Variants in VPS13C observed in about 807,000 individuals in gnomAD.
VPS13C encodes intermembrane lipid transfer protein VPS13C.
In VPS13C, 358 loss-of-function variants were observed where a neutral mutation model predicts 456.8. That is an observed-to-expected ratio of 0.78 (90% CI 0.72 to 0.86). The LOEUF (loss-of-function observed/expected upper bound fraction) is 0.86, where lower values mean the gene tolerates loss of function less well. Among genes scored for constraint, VPS13C ranks in the 40% least tolerant of loss-of-function variants. VPS13C has a pLI of 0.00. For missense variants in VPS13C, 4,818 were observed against 4,385.4 expected, an observed-to-expected ratio of 1.10 and a Z score of -2.79; for synonymous variants, 1,578 against 1,486.7, an observed-to-expected ratio of 1.06 and a Z score of -1.41.
Position 61,946,384 on chromosome 15 carries a change from G to C in VPS13C, c.4903C>G (p.Pro1635Ala), listed in dbSNP as rs781343548. The C allele has an allele frequency of 6.2e-7, 1 of 1,605,852 alleles. No individual in the cohort carries two copies. Among genetic ancestry groups the C allele is most frequent in the Non-Finnish European group, 8.5e-7 (1 of 1,176,526 alleles). ...HGMDASISVK[P>A]KQTDVFARLK... ...CTGGCAAACACATCAGTCTGCTTAG[G>C]CTTCACAGAAATAGAGGCATCCATT... Residue 1635 changes from proline to alanine, a missense_variant, in exon 44 of 85, where the codon CCT becomes GCT. Physicochemically the swap from Pro to Ala is conservative, Grantham distance 27 (BLOSUM62 -1). This residue lies in a region of VPS13C where 4,552 missense variants were observed against 4,130.6 expected (regional missense o/e 1.10). Transcript: ENST00000644861.
intron 3 of VPS13C, among the ~76,000 whole-genome samples, chr15:62,035,518 C>T (rs1488535880): frequency 2.0e-5 from 3 of 151,748 alleles, no homozygotes; most frequent in Admixed American, 6.6e-5. Flanking sequence ...ACAAATAAAT[C>T]CTTATAGATC....
At position 61,878,626 on chromosome 15, in the gene VPS13C, C is replaced by T. The variant is rs1444586569; in HGVS notation, c.10123G>A (p.Val3375Met). ...LKSIGATLTD[V>M]DDLIFKLAYY... ...TCTTACTTGAATATAAGGTCATCCACATCAGTCAGAGTAGCACCTATGCTT... is the reference window on the plus strand; with the variant it reads ...TCTTACTTGAATATAAGGTCATCCATATCAGTCAGAGTAGCACCTATGCTT... Residue 3375 changes from valine (V) to methionine (M), a missense_variant, in exon 74 of 85, where the codon GTG (valine) becomes ATG (methionine). Coordinates refer to ENST00000644861, the MANE Select transcript of VPS13C (RefSeq NM_020821.3). The T allele has an allele frequency of 1.2e-6, 2 of 1,609,752 alleles. No homozygotes were observed. Among genetic ancestry groups the T allele is most frequent in the Admixed American group, 3.4e-5 (2 of 59,402 alleles).
chr15:61,982,683 T>C, intron 20 of VPS13C, 110 bp from the exon 21 acceptor site: 2 of 676,500 alleles, frequency 3.0e-6, no homozygotes, highest in South Asian at 4.4e-5. Context: ...ACTGTGGAAC[T>C]CCTAAGATAT....
At position 61,911,945 on chromosome 15, in the gene VPS13C, G is replaced by A. The variant is rs2043313800; in HGVS notation, c.8610C>T (p.Pro2870=). The stretch of plus-strand genomic sequence containing the variant: ...ATGACTTGTTTGCAATGGTACAAAA[G>A]GGAGTCAGGGTAACTATTCGTGAAA... ...FNLSRIVTLT[P]FCTIANKSSL... The change falls in exon 63 of 85, where the codon CCC becomes CCT. Residue 2870 remains proline, a synonymous_variant. Transcript: ENST00000644861. 11 of 1,612,478 alleles carry A rather than the reference G, an allele frequency of 6.8e-6. No individual in the cohort carries two copies. The highest frequency in any genetic ancestry group is 9.3e-6 in the Non-Finnish European group (11 of 1,179,190).
chr15:61,919,185 T>G (rs1197468697), intron 58 of VPS13C, 104 bp downstream of exon 58: 2 of 1,143,744 alleles, frequency 1.7e-6, no homozygotes, highest in South Asian at 1.7e-5. Flanking sequence ...TTCTGAATAA[T>G]CAGAATTGAC....
chr15:61,933,322 A>T (rs538495299), intron 49 of VPS13C, among the ~76,000 whole-genome samples: 114 of 152,336 alleles, frequency 7.5e-4, no homozygotes, highest in African/African-American at 2.3e-3. Context: ...ACATTAGAAA[A>T]TAAGGCAGTT....
chr15:61,860,217 G>A lies in VPS13C; in HGVS notation c.10952+3223C>T, dbSNP rs1476711469. ...CACAAAGTAGCAAATATAAATAGAT[G>A]ATGATATATTAAAAGGTACAGGCTC... is the stretch of plus-strand genomic sequence containing the variant. On this transcript the variant is annotated intron_variant, in intron 82 of 84. Coordinates refer to ENST00000644861, the MANE Select transcript of VPS13C (RefSeq NM_020821.3). Among the ~76,000 whole-genome samples the A allele has an allele frequency of 3.3e-5, 5 of 152,096 alleles. No individual in the cohort carries two copies. The South Asian group carries it at 6.2e-4, about 19-fold the overall frequency.
In VPS13C at chr15:61,975,529, C is replaced by A. The variant is rs577434515; in HGVS notation, c.2409-1112G>T. Among the ~76,000 whole-genome samples the A allele has an allele frequency of 9.2e-4, 140 of 152,144 alleles. 1 individual carries two copies. The South Asian group carries it at 0.028, about 30-fold the overall frequency. ...CAATACATTCAACAACTAAGATGGACAAATTCCTTAAAACACACAAACTCA... is the reference window on the plus strand; with the variant it reads ...CAATACATTCAACAACTAAGATGGAAAAATTCCTTAAAACACACAAACTCA... On this transcript the variant is annotated intron_variant, in intron 24 of 84. Transcript: ENST00000644861.
intron 2 of VPS13C, among the ~76,000 whole-genome samples, chr15:62,041,734 C>T (rs780757163): frequency 1.3e-5 from 2 of 151,876 alleles, no homozygotes; most frequent in Non-Finnish European, 2.9e-5. Flanking sequence ...GCAGGAGAAT[C>T]GCCTGAACCC....
chr15:61,962,864 A>G lies in VPS13C; in HGVS notation c.3332-12T>C, dbSNP rs1000866421. The G allele has an allele frequency of 1.3e-6, 2 of 1,550,094 alleles. No homozygotes were observed. The highest frequency in any genetic ancestry group is 1.7e-5 in the Admixed American group (1 of 58,726). On this transcript the variant is annotated splice_polypyrimidine_tract_variant and intron_variant, in intron 32 of 84. Transcript: ENST00000644861. ...GGAGGAATCCAGTCCTGAAAAAAAGAGTGTATTATTATAATTTCTACAGAC... is the reference window on the plus strand; with the variant it reads ...GGAGGAATCCAGTCCTGAAAAAAAGGGTGTATTATTATAATTTCTACAGAC...
chr15:61,928,014 G>A (rs2043920509), intron 51 of VPS13C, among the ~76,000 whole-genome samples: 1 of 150,118 alleles, frequency 6.7e-6, no homozygotes, highest in Non-Finnish European at 1.5e-5. Flanking sequence ...GACACAGGAA[G>A]GGGAACAACA....
chr15:61,878,736 C>T lies in VPS13C; in HGVS notation c.10013G>A (p.Ser3338Asn). Residue 3338 changes from serine to asparagine, a missense_variant, in exon 74 of 85, where the codon AGT (serine) becomes AAT (asparagine). This residue lies in a region of VPS13C where 4,552 missense variants were observed against 4,130.6 expected (regional missense o/e 1.10). Transcript: ENST00000644861. ...FHISPVKLHLSLSLGSGGEES... is the reference protein window; with the variant it reads ...FHISPVKLHLNLSLGSGGEES... ...TTCACCTCCGGAACCCAAAGACAAA[C>T]TCAAATGCAACTAAAAGAAAAATAA... The T allele has an allele frequency of 1.2e-6, 2 of 1,601,272 alleles. No individual in the cohort carries two copies. Among genetic ancestry groups the T allele is most frequent in the Non-Finnish European group, 1.7e-6 (2 of 1,175,622 alleles).
Position 61,936,765 on chromosome 15 carries a change from T to C in VPS13C, c.5602-15A>G, listed in dbSNP as rs2044240559. On this transcript the variant is annotated splice_polypyrimidine_tract_variant and intron_variant, in intron 47 of 84. Transcript: ENST00000644861. The stretch of plus-strand genomic sequence containing the variant: ...CTGAGAGCAACCTAGAAACCACCAA[T>C]AATTTGTTAACTCTAAGTAATAAAA... 1.3e-6 allele frequency: 2 copies of C among 1,590,552 alleles called. No homozygotes were observed. Among genetic ancestry groups the C allele is most frequent in the Non-Finnish European group, 8.5e-7 (1 of 1,172,440 alleles).
intron 23 of VPS13C, among the ~76,000 whole-genome samples, chr15:61,977,967 T>A (rs2045756867): frequency 2.6e-5 from 4 of 152,028 alleles, no homozygotes; most frequent in African/African-American, 9.7e-5. Flanking sequence ...ACTATAACTG[T>A]CCTTTCCTCT....
chr15:62,007,724 C>T (rs1404822038), intron 14 of VPS13C, among the ~76,000 whole-genome samples: 1 of 152,194 alleles, frequency 6.6e-6, no homozygotes, highest in South Asian at 2.1e-4. Flanking sequence ...TGGGAAATAG[C>T]ATTCCAGTAT....
intron 24 of VPS13C, among the ~76,000 whole-genome samples, chr15:61,976,797 T>C (rs1455566529): frequency 3.9e-5 from 6 of 152,048 alleles, no homozygotes; most frequent in Admixed American, 3.9e-4. Flanking sequence ...GAGCCTCTAA[T>C]GTGTTCGAAG....
intron 16 of VPS13C, among the ~76,000 whole-genome samples, chr15:61,999,860 A>G (rs1174648781): frequency 6.7e-6 from 1 of 149,668 alleles, no homozygotes; most frequent in African/African-American, 2.4e-5. Flanking sequence ...GAAGAGAGGG[A>G]GAGAAGGAAG....
chr15:61,932,537 A>C (rs1254933260), intron 49 of VPS13C, among the ~76,000 whole-genome samples: 23 of 151,928 alleles, frequency 1.5e-4, no homozygotes, highest in Admixed American at 1.5e-3. Flanking sequence ...AAAAAAAAAA[A>C]ACCCCAGCCA....
chr15:61,928,869 G>C (rs1195754317), intron 51 of VPS13C, among the ~76,000 whole-genome samples: 2 of 151,266 alleles, frequency 1.3e-5, no homozygotes, highest in Non-Finnish European at 2.9e-5. Flanking sequence ...GGGTGATACA[G>C]TGACAGCCCA....
Sources: gnomAD v4.1 joint callset for allele counts (sites outside exome capture counted in the v4.1 genomes callset) on GRCh38, gnomAD v4.1.1 for gene constraint, gnomAD v4.1.1 regional missense constraint, MANE v1.5 for transcripts, NCBI Gene and HGNC (gene_info 2026-07-23, HGNC 2026-07-21) for gene names.